Variants in HPSE2 observed in about 807,000 individuals in gnomAD.
The protein encoded by HPSE2 is inactive heparanase-2.
In HPSE2, 38 loss-of-function variants were observed where a neutral mutation model predicts 60.5. The ratio of observed to expected loss-of-function variants is 0.63; its 90% CI spans 0.48 to 0.82. The LOEUF is 0.82. Ranked by LOEUF, HPSE2 falls within the 40% of genes least tolerant of loss-of-function variation. The pLI is 0.00. For missense variants in HPSE2, 713 were observed against 740.4 expected (o/e 0.96, Z 0.43); for synonymous variants, 295 against 293.2 (o/e 1.01, Z -0.06).
At chr10:98,615,049 T>C in intron 8 of HPSE2, 31 bp from the exon 9 acceptor site, 2 of 1,490,580 alleles carry the variant, frequency 1.3e-6, no homozygotes, top group East Asian at 2.3e-5. Context: ...GCTACATCAA[T>C]ATATTTTTTA....
intron 2 of HPSE2, among the ~76,000 whole-genome samples, chr10:99,219,090 C>G (rs1019709656): frequency 1.3e-5 from 2 of 152,212 alleles, no homozygotes; most frequent in East Asian, 3.8e-4. Flanking sequence ...TGCTTATTCA[C>G]TATGGGCCTC....
intron 3 of HPSE2, among the ~76,000 whole-genome samples, chr10:98,910,054 A>T (rs1418659306): frequency 6.6e-6 from 1 of 152,180 alleles, no homozygotes; most frequent in Non-Finnish European, 1.5e-5. Context: ...TTATAAGAAG[A>T]AAAAAAGTGT....
intron 3 of HPSE2, among the ~76,000 whole-genome samples, chr10:98,793,772 C>T (rs1342275373): frequency 2.0e-5 from 3 of 152,096 alleles, no homozygotes; most frequent in African/African-American, 7.2e-5. Flanking sequence ...TGACAAGAAG[C>T]CAGCATGTAC....
chr10:99,148,333 A>T (rs1846130721), intron 2 of HPSE2, among the ~76,000 whole-genome samples: 1 of 152,234 alleles, frequency 6.6e-6, no homozygotes, highest in Non-Finnish European at 1.5e-5. Flanking sequence ...TGCACTAAGC[A>T]TACAATAAGA....
intron 11 of HPSE2, among the ~76,000 whole-genome samples, chr10:98,472,736 A>C (rs1940830997): frequency 1.3e-5 from 2 of 152,270 alleles, no homozygotes; most frequent in Non-Finnish European, 2.9e-5. Flanking sequence ...TCAAGAATGT[A>C]AATTCATACA....
rs191143503 is a variant in HPSE2, at chr10:99,235,837, G to A, written c.-35C>T. 5 of 1,583,446 alleles carry A rather than the reference G, an allele frequency of 3.2e-6. No homozygotes were observed. In the African/African-American group the frequency reaches 5.4e-5, roughly 17 times the overall value. On this transcript the variant is annotated 5_prime_UTR_variant, in exon 1 of 12. Coordinates refer to ENST00000370552, the MANE Select transcript of HPSE2 (RefSeq NM_021828.5). The stretch of plus-strand genomic sequence containing the variant: ...CTGATTTAAACCTCTCTTCCTACTG[G>A]GTCTCGCTAGTGACTAATTGTCCTT...
At chr10:98,653,459 T>C (rs1280992469) in intron 6 of HPSE2, among the ~76,000 whole-genome samples, 6 of 152,020 alleles carry the variant, frequency 3.9e-5, no homozygotes, top group Non-Finnish European at 8.8e-5. Context: ...TGGTTTTAAT[T>C]GAGCATTTTA....
intron 9 of HPSE2, among the ~76,000 whole-genome samples, chr10:98,545,876 G>C (rs1943655402): frequency 6.6e-6 from 1 of 151,334 alleles, no homozygotes; most frequent in East Asian, 2.0e-4. Flanking sequence ...CCTGTTTACA[G>C]ATGACATGAT....
chr10:98,615,689 G>A (rs890373398), intron 8 of HPSE2, among the ~76,000 whole-genome samples: 3 of 152,146 alleles, frequency 2.0e-5, no homozygotes, highest in Non-Finnish European at 2.9e-5. Context: ...TCCAGGGCAT[G>A]CCATCCTTCA....
chr10:98,793,240 G>A (rs1950697931), intron 3 of HPSE2, among the ~76,000 whole-genome samples: 1 of 152,160 alleles, frequency 6.6e-6, no homozygotes, highest in Non-Finnish European at 1.5e-5. Context: ...CAGGTTCTTG[G>A]CTTTAGGTAG....
chr10:98,591,694 C>A (rs1010257594), intron 9 of HPSE2, among the ~76,000 whole-genome samples: 5 of 152,024 alleles, frequency 3.3e-5, no homozygotes, highest in African/African-American at 1.2e-4. Context: ...ATAAATAAAT[C>A]AGGATATCCT....
At chr10:99,050,397 T>C (rs951443166) in intron 3 of HPSE2, among the ~76,000 whole-genome samples, 1 of 152,024 alleles carries the variant, frequency 6.6e-6, no homozygotes, top group African/African-American at 2.4e-5. Flanking sequence ...GGAATATAAA[T>C]TGATACAGCC....
intron 3 of HPSE2, among the ~76,000 whole-genome samples, chr10:99,079,341 C>T (rs973122961): frequency 4.6e-5 from 7 of 151,578 alleles, no homozygotes; most frequent in Non-Finnish European, 8.8e-5. Flanking sequence ...CTATGACAAC[C>T]GCCAAACCTC....
At chr10:98,854,326 GC>G (rs1030623050) in intron 3 of HPSE2, among the ~76,000 whole-genome samples, 3 of 152,154 alleles carry the variant, frequency 2.0e-5, no homozygotes, top group African/African-American at 7.2e-5. Context: ...TGCTAAAAGT[GC>G]TGGTCACACA....
At chr10:99,284,524 A>G in the HPSE2 span, among the ~76,000 whole-genome samples, 5 of 152,284 alleles carry the variant, frequency 3.3e-5, no homozygotes, top group Non-Finnish European at 5.9e-5. Context: ...TAAAACTATA[A>G]AAGTTTCTTA....
intron 2 of HPSE2, among the ~76,000 whole-genome samples, chr10:99,209,043 A>G (rs1356355689): frequency 6.6e-6 from 1 of 152,222 alleles, no homozygotes; most frequent in African/African-American, 2.4e-5. Flanking sequence ...GACAAATACA[A>G]TAATAGCAGG....
the HPSE2 span, among the ~76,000 whole-genome samples, chr10:99,297,360 C>T: frequency 1.2e-4 from 19 of 152,334 alleles, no homozygotes; most frequent in East Asian, 2.5e-3. Context: ...AATCAGTCAG[C>T]GCCGTTTCCA....
At chr10:98,929,101 G>C (rs1339694636) in intron 3 of HPSE2, among the ~76,000 whole-genome samples, 1 of 143,470 alleles carries the variant, frequency 7.0e-6, no homozygotes, top group Non-Finnish European at 1.5e-5. Context: ...CCAAATGCCA[G>C]AATTCTACCA....
intron 3 of HPSE2, among the ~76,000 whole-genome samples, chr10:98,802,228 G>A (rs560000221): frequency 1.3e-5 from 2 of 151,584 alleles, no homozygotes; most frequent in Non-Finnish European, 2.9e-5. Flanking sequence ...AAACTACCAA[G>A]AGAAAACATT....
Sources: allele counts gnomAD v4.1 joint callset (sites outside exome capture counted in the v4.1 genomes callset), GRCh38; gene constraint gnomAD v4.1.1; transcripts MANE v1.5; gene names NCBI Gene and HGNC (gene_info 2026-07-23, HGNC 2026-07-21).